STRN: variants seen among roughly 807,000 people sequenced by gnomAD.
STRN encodes striatin.
STRN carries 53 observed loss-of-function variants against 96.3 expected under a neutral mutation model. The observed-to-expected ratio is 0.55, with a 90% CI of 0.44 to 0.69. The LOEUF is 0.69. STRN is among the 30% of genes least tolerant of loss of function. The pLI is 0.00. For missense variants in STRN, 987 were observed against 963.9 expected, an observed-to-expected ratio of 1.02 and a Z score of -0.32; for synonymous variants, 428 against 355.9, an observed-to-expected ratio of 1.20 and a Z score of -2.28.
intron 13 of STRN, among the ~76,000 whole-genome samples, chr2:36,860,748 G>A (rs918180236): frequency 9.2e-5 from 14 of 152,118 alleles, no homozygotes; most frequent in African/African-American, 3.4e-4. Flanking sequence ...AATTGACCAA[G>A]GGGATGGCAC....
intron 1 of STRN, among the ~76,000 whole-genome samples, chr2:36,937,881 C>A (rs1670746604): frequency 6.6e-6 from 1 of 151,856 alleles, no homozygotes. Flanking sequence ...AAAGTGTATT[C>A]TTTAAAAGGA....
At chr2:36,926,059 GA>G (rs1403035351) in intron 1 of STRN, among the ~76,000 whole-genome samples, 1 of 151,988 alleles carries the variant, frequency 6.6e-6, no homozygotes, top group Non-Finnish European at 1.5e-5. Flanking sequence ...GTAATCCATA[GA>G]AAAAAGAAAG....
At chr2:36,857,264 C>T (rs1050165780) in intron 14 of STRN, among the ~76,000 whole-genome samples, 1 of 152,012 alleles carries the variant, frequency 6.6e-6, no homozygotes, top group African/African-American at 2.4e-5. Context: ...CATGGGTGTA[C>T]TCATCTATCA....
intron 10 of STRN, among the ~76,000 whole-genome samples, chr2:36,874,688 C>A (rs1416037028): frequency 1.2e-5 from 1 of 85,904 alleles, no homozygotes; most frequent in Non-Finnish European, 2.4e-5. Flanking sequence ...AACATAAAAA[C>A]AAAGACAGTA....
At chr2:36,907,181 G>A (rs953733186) in intron 3 of STRN, among the ~76,000 whole-genome samples, 2 of 152,164 alleles carry the variant, frequency 1.3e-5, no homozygotes, top group Admixed American at 6.5e-5. Flanking sequence ...CTAAAAAACT[G>A]CTGATCTTTA....
chr2:36,857,975 C>T lies in STRN; in HGVS notation c.1718G>A (p.Trp573Ter). The change falls in exon 14 of 18, where the codon TGG (tryptophan) becomes TAG (stop). Residue 573 changes from tryptophan to a stop codon, truncating the protein, a stop_gained. Coordinates refer to ENST00000263918, the MANE Select transcript of STRN (RefSeq NM_003162.4). LOFTEE classifies it high-confidence loss of function. ...ATGTGCTGCACTATAAGCCAAACCC[C>T]AGACTGCATCCGTGTGGCCTAGCAG... is the stretch of plus-strand genomic sequence containing the variant. ...GPLLGHTDAV[W>*]GLAYSAAHQR... The T allele has an allele frequency of 6.2e-7, 1 of 1,612,900 alleles. No homozygotes were observed. The highest frequency in any genetic ancestry group is 8.5e-7 in the Non-Finnish European group (1 of 1,179,330).
rs766580081 is a variant in STRN at position 36,867,832 on chromosome 2, T to C, written c.1529A>G (p.Tyr510Cys). 1.3e-5 allele frequency: 21 copies of C among 1,592,026 alleles called. 1 individual carries two copies. The highest frequency in any genetic ancestry group is 3.3e-4 in the Middle Eastern group (2 of 6,012). Residue 510 changes from tyrosine (Y) to cysteine (C), a missense_variant, in exon 12 of 18, where the codon TAT becomes TGT. Physicochemically the swap from Tyr to Cys is radical, Grantham distance 194. Coordinates refer to ENST00000263918, the MANE Select transcript of STRN (RefSeq NM_003162.4). ...TACTTACTTATGGGCTCTGAATGTA[T>C]AGATAGGTTCTACATCAAGAGAAGT... ...KSTSLDVEPIYTFRAHKGPVL... is the reference protein window; with the variant it reads ...KSTSLDVEPICTFRAHKGPVL...
Position 36,902,711 on chromosome 2 carries a change from C to T in STRN, c.532G>A (p.Val178Met), listed in dbSNP as rs1307308981. The T allele has an allele frequency of 6.2e-7, 1 of 1,610,256 alleles. No homozygotes were observed. Among genetic ancestry groups the T allele is most frequent in the African/African-American group, 1.3e-5 (1 of 74,866 alleles). The change falls in exon 5 of 18, where the codon GTG becomes ATG. Residue 178 changes from valine to methionine, a missense_variant. Val to Met is a conservative substitution (Grantham distance 21, BLOSUM62 1). Transcript: ENST00000263918. Reference protein sequence around the residue: ...EVGYTDTILDVKSKRVRALLG... With the variant: ...EVGYTDTILDMKSKRVRALLG... Reference sequence around the variant, plus strand: ...AAAGCTCGCACTCGTTTAGATTTCACATCTAGAATAGTATCTGTATAACCC... The same window carrying T: ...AAAGCTCGCACTCGTTTAGATTTCATATCTAGAATAGTATCTGTATAACCC...
At chr2:36,963,515 CACTAA>C (rs1415253589) in intron 1 of STRN, among the ~76,000 whole-genome samples, 2 of 151,972 alleles carry the variant, frequency 1.3e-5, no homozygotes, top group East Asian at 3.8e-4. Flanking sequence ...TTTCCAATTA[CACTAA>C]TAAGGGGGGA....
At chr2:36,882,783 CAAAAA>C (rs1357434109) in intron 9 of STRN, among the ~76,000 whole-genome samples, 1 of 151,970 alleles carries the variant, frequency 6.6e-6, no homozygotes, top group Non-Finnish European at 1.5e-5. Flanking sequence ...AACAAACAAA[CAAAAA>C]ACAAAACAAA....
At chr2:36,877,804 G>A in intron 10 of STRN, 87 bp downstream of exon 10, 1 of 1,503,052 alleles carries the variant, frequency 6.7e-7, no homozygotes, top group Non-Finnish European at 9.0e-7. Flanking sequence ...CCAAAGTGCT[G>A]GATTACAGGC....
At chr2:36,884,195 T>C (rs879216606) in intron 8 of STRN, 120 bp from the exon 9 acceptor site, 2 of 857,132 alleles carry the variant, frequency 2.3e-6, no homozygotes, top group Non-Finnish European at 3.1e-6. Context: ...TTAAAAATAT[T>C]CTACTAGATT....
At chr2:36,886,871 T>C in intron 7 of STRN, 45 bp from the exon 8 acceptor site, 2 of 1,495,808 alleles carry the variant, frequency 1.3e-6, no homozygotes, top group South Asian at 1.2e-5. Context: ...CAATAAAATA[T>C]TGAACACTCT....
At chr2:36,960,582 TA>T (rs375992706) in intron 1 of STRN, among the ~76,000 whole-genome samples, 397 of 152,348 alleles carry the variant, frequency 2.6e-3, no homozygotes, top group Non-Finnish European at 4.5e-3. Context: ...TACTTTAAAT[TA>T]TCTTAATTTA....
Position 36,838,152 on chromosome 2 carries a change from T to C in STRN, c.*11304A>G, listed in dbSNP as rs1298355130. 6.6e-6 allele frequency among the ~76,000 whole-genome samples: 1 copy of C among 152,148 alleles called. No homozygotes were observed. The highest frequency in any genetic ancestry group is 1.9e-4 in the East Asian group (1 of 5,186). The stretch of plus-strand genomic sequence containing the variant: ...AGTAGAGTCAAAGTATAAAAATAAT[T>C]TGATGCACCCTGGCAAGCTTTGAAG... On this transcript the variant is annotated 3_prime_UTR_variant, in exon 18 of 18. Transcript: ENST00000263918.
chr2:36,851,227 G>C, intron 15 of STRN, 120 bp from the exon 16 acceptor site: 2 of 756,772 alleles, frequency 2.6e-6, no homozygotes, highest in South Asian at 3.6e-5. Flanking sequence ...GCTCACGCCT[G>C]TAATCCAAGC....
At chr2:36,887,327 G>A (rs1041203340) in intron 7 of STRN, among the ~76,000 whole-genome samples, 10 of 147,250 alleles carry the variant, frequency 6.8e-5, no homozygotes, top group African/African-American at 2.5e-4. Context: ...AAAATTAGCC[G>A]GGCATGGTAC....
At chr2:36,962,434 T>C (rs946905713) in intron 1 of STRN, among the ~76,000 whole-genome samples, 1 of 152,146 alleles carries the variant, frequency 6.6e-6, no homozygotes, top group African/African-American at 2.4e-5. Flanking sequence ...AAGTCAGTAA[T>C]TTTCAAATAC....
At chr2:36,930,032 T>C (rs2148238188) in intron 1 of STRN, among the ~76,000 whole-genome samples, 1 of 152,222 alleles carries the variant, frequency 6.6e-6, no homozygotes, top group East Asian at 1.9e-4. Flanking sequence ...CTATAAACTA[T>C]ATCTATTCCC....
Sources: allele counts gnomAD v4.1 joint callset (sites outside exome capture counted in the v4.1 genomes callset), GRCh38; gene constraint gnomAD v4.1.1; transcripts MANE v1.5; gene names NCBI Gene and HGNC (gene_info 2026-07-23, HGNC 2026-07-21).